ARFGAP1: variants seen among roughly 807,000 people sequenced by gnomAD.
ARFGAP1 encodes the protein ADP-ribosylation factor GTPase-activating protein 1.
A neutral mutation model predicts 54.0 loss-of-function variants in ARFGAP1; 26 were observed. That is an observed-to-expected ratio of 0.48 (90% CI 0.35 to 0.67). ARFGAP1 has a LOEUF of 0.67. Ranked by LOEUF, ARFGAP1 falls within the 30% of genes least tolerant of loss-of-function variation. The pLI, the probability that ARFGAP1 is intolerant of heterozygous loss-of-function variation, is 0.00. For synonymous variants in ARFGAP1, 248 were observed against 211.9 expected, an observed-to-expected ratio of 1.17 and a Z score of -1.48; for missense variants, 525 against 535.8, an observed-to-expected ratio of 0.98 and a Z score of 0.20.
At chr20:63,275,429 C>G (rs903126323) in intron 1 of ARFGAP1, 148 bp from the exon 2 acceptor site, 11 of 719,292 alleles carry the variant, frequency 1.5e-5, no homozygotes, top group Non-Finnish European at 2.4e-5. Flanking sequence ...ACCCCTGCTG[C>G]GAGTGGTCCT....
rs779700128 is a variant in ARFGAP1 at position 63,285,746 on chromosome 20, G to A, written c.834+33G>A. On this transcript the variant is annotated intron_variant, in intron 11 of 12. Coordinates refer to ENST00000370283, the MANE Select transcript of ARFGAP1 (RefSeq NM_018209.4). ...GCCTGCCAGATACGCGGGCACAGTC[G>A]AAGCCAGTCTCCATATTCCACGGCC... 4.4e-6 allele frequency: 7 copies of A among 1,606,680 alleles called. No individual in the cohort carries two copies. In the South Asian group the frequency reaches 6.6e-5, roughly 15 times the overall value.
chr20:63,278,102 G>T lies in ARFGAP1; in HGVS notation c.444-15G>T, dbSNP rs754344775. The T allele has an allele frequency of 6.2e-6, 10 of 1,613,252 alleles. No individual in the cohort carries two copies. The highest frequency in any genetic ancestry group is 3.3e-5 in the Admixed American group (2 of 60,018). The stretch of plus-strand genomic sequence containing the variant: ...CCCAGTTTTGGCCTTACCAGCCTTC[G>T]ATTCTCGGTTTCAGAGTCTCTGGCC... On this transcript the variant is annotated splice_polypyrimidine_tract_variant and intron_variant, in intron 5 of 12. Transcript: ENST00000370283.
chr20:63,275,523 T>C, intron 1 of ARFGAP1, 54 bp from the exon 2 acceptor site: 1 of 1,555,484 alleles, frequency 6.4e-7, no homozygotes, highest in African/African-American at 1.4e-5. Flanking sequence ...TTATTTTCTT[T>C]TTTGTAGAGT....
intron 11 of ARFGAP1, 107 bp downstream of exon 11, chr20:63,285,820 G>A: frequency 6.6e-7 from 1 of 1,515,062 alleles, no homozygotes; most frequent in South Asian, 1.1e-5. Flanking sequence ...GCCCAGCTTG[G>A]CAGTGGCCGC....
chr20:63,279,107 C>A, intron 7 of ARFGAP1, 112 bp downstream of exon 7: 3 of 1,104,698 alleles, frequency 2.7e-6, no homozygotes, highest in South Asian at 2.6e-5. Context: ...TTGCCTTGTT[C>A]TGATCTAAGG....
chr20:63,279,075 G>C, intron 7 of ARFGAP1, 80 bp downstream of exon 7: 1 of 1,390,660 alleles, frequency 7.2e-7, no homozygotes, highest in Admixed American at 1.8e-5. Flanking sequence ...GGGCAGTGTG[G>C]CAGTCCTGGA....
rs2067277227 is a variant in ARFGAP1, at chr20:63,278,004, G to A, written c.444-113G>A. 9 of 921,748 alleles carry A rather than the reference G, an allele frequency of 9.8e-6. No homozygotes were observed. In the South Asian group the frequency reaches 1.1e-4, roughly 11 times the overall value. 57.1% of individuals were successfully genotyped at this position (921,748 alleles called of 1,614,324 possible). On this transcript the variant is annotated intron_variant, in intron 5 of 12. Transcript: ENST00000370283. The stretch of plus-strand genomic sequence containing the variant: ...GCCACCCTGGCCTCAGGTGCTCTCA[G>A]GGGTGACGTGAAGGCACTGCCCACG...
chr20:63,282,856 C>G lies in ARFGAP1; in HGVS notation c.717+5C>G. On this transcript the variant is annotated splice_donor_5th_base_variant and intron_variant, in intron 9 of 12. Transcript: ENST00000370283. ...GGATCCCAAGCGAGTCAGAAGGTAA[C>G]AGAGGAGAAGCTTCTGCACCCTGGT... is the stretch of plus-strand genomic sequence containing the variant. 4 of 1,614,030 alleles carry G rather than the reference C, an allele frequency of 2.5e-6. No individual in the cohort carries two copies. Among genetic ancestry groups the G allele is most frequent in the Non-Finnish European group, 3.4e-6 (4 of 1,179,988 alleles).
chr20:63,285,566 G>A, intron 10 of ARFGAP1, 88 bp from the exon 11 acceptor site: 1 of 1,383,360 alleles, frequency 7.2e-7, no homozygotes, highest in Non-Finnish European at 1.0e-6. Context: ...TATTTCGGAT[G>A]CCCTCACCCG....
At chr20:63,284,448 T>C in intron 9 of ARFGAP1, 2 of 1,098,380 alleles carry the variant, frequency 1.8e-6, no homozygotes, top group Non-Finnish European at 2.2e-6. Flanking sequence ...GGCCCCAGCC[T>C]CCGTGCCCTC....
chr20:63,284,674 C>G, intron 9 of ARFGAP1, 192 bp from the exon 10 acceptor site: 3 of 1,433,428 alleles, frequency 2.1e-6, no homozygotes, highest in Non-Finnish European at 2.8e-6. Context: ...TCTCCGCCTT[C>G]TAGAGGTGGC....
At chr20:63,279,146 C>A (rs561326038) in intron 7 of ARFGAP1, 151 bp downstream of exon 7, 3 of 783,964 alleles carry the variant, frequency 3.8e-6, no homozygotes, top group Non-Finnish European at 6.4e-6. Flanking sequence ...GCGACGTTTT[C>A]TTTCAAAAAT....
At position 63,288,932 on chromosome 20, in the gene ARFGAP1, C is replaced by T. The variant is rs2067640595; in HGVS notation, c.*1059C>T. 4.3e-6 allele frequency: 1 copy of T among 230,368 alleles called. No homozygotes were observed. The highest frequency in any genetic ancestry group is 6.3e-5 in the South Asian group (1 of 15,896). 14.3% of individuals were successfully genotyped at this position (230,368 alleles called of 1,614,324 possible). ...CTCCTCCCTGCCACCATGCTCATCA[C>T]TCTGGCCTTGGCCATGCTCCCTGGT... On this transcript the variant is annotated 3_prime_UTR_variant, in exon 13 of 13. Coordinates refer to ENST00000370283, the MANE Select transcript of ARFGAP1 (RefSeq NM_018209.4).
At position 63,283,333 on chromosome 20, in the gene ARFGAP1, A is replaced by G. The variant is rs565139913; in HGVS notation, c.717+482A>G. The G allele has an allele frequency of 2.8e-3, 561 of 197,818 alleles. 2 individuals carry two copies. Among genetic ancestry groups the G allele is most frequent in the African/African-American group, 0.012 (505 of 42,890 alleles). 12.3% of individuals were successfully genotyped at this position (197,818 alleles called of 1,614,324 possible). On this transcript the variant is annotated intron_variant, in intron 9 of 12. Coordinates refer to ENST00000370283, the MANE Select transcript of ARFGAP1 (RefSeq NM_018209.4). ...CTTTGCATGTTTTTTATTCTTTAGG[A>G]TGTGGGTAGGGGCCCCGCGGTTCCC...
chr20:63,275,387 G>T (rs1489823552), intron 1 of ARFGAP1, among the ~76,000 whole-genome samples, 190 bp from the exon 2 acceptor site: 5 of 152,200 alleles, frequency 3.3e-5, no homozygotes, highest in Non-Finnish European at 7.3e-5. Flanking sequence ...GGGGGTATGG[G>T]GAACAGATCC....
At chr20:63,286,666 C>T (rs1038807579) in intron 12 of ARFGAP1, 49 of 513,690 alleles carry the variant, frequency 9.5e-5, no homozygotes, top group Admixed American at 3.6e-4. Flanking sequence ...GGAGGCTTTC[C>T]GAGTGCTCTG....
rs753369595 is a variant in ARFGAP1, at chr20:63,277,298, G to A, written c.436G>A (p.Val146Met). ...PPQPRTLPSM[V>M]HRVSGQPQSV... is the part of the protein sequence containing the mutation. ...TCAGCCCAGGACGCTGCCGTCCATG[G>A]TGCACCGGTAGCTGCTCCTCGTGGG... The change falls in exon 5 of 13, where the codon GTG (valine) becomes ATG (methionine). Residue 146 changes from valine (V) to methionine (M), a missense_variant. Physicochemically the swap from Val to Met is conservative, Grantham distance 21 (BLOSUM62 1). This residue lies in a region of ARFGAP1 where 466 missense variants were observed against 453.6 expected (regional missense o/e 1.03). Transcript: ENST00000370283. 18 of 1,612,146 alleles carry A rather than the reference G, an allele frequency of 1.1e-5. 1 individual carries two copies. The South Asian group carries it at 1.4e-4, about 13-fold the overall frequency.
chr20:63,285,877 G>A, intron 11 of ARFGAP1, 164 bp downstream of exon 11: 1 of 1,425,374 alleles, frequency 7.0e-7, no homozygotes, highest in Non-Finnish European at 9.5e-7. Flanking sequence ...CAGCCCGAGG[G>A]ATATGGAAAC....
intron 11 of ARFGAP1, 131 bp downstream of exon 11, chr20:63,285,844 G>T: frequency 6.8e-7 from 1 of 1,462,402 alleles, no homozygotes; most frequent in African/African-American, 1.4e-5. Flanking sequence ...CCTCTGAGAC[G>T]GGAGGAGAGC....
Sources: gnomAD v4.1 joint callset for allele counts (sites outside exome capture counted in the v4.1 genomes callset) on GRCh38, gnomAD v4.1.1 for gene constraint, gnomAD v4.1.1 regional missense constraint, MANE v1.5 for transcripts, NCBI Gene and HGNC (gene_info 2026-07-23, HGNC 2026-07-21) for gene names.